The following GPR149 variants were observed in gnomAD, a reference collection of about 807,000 sequenced individuals.
The protein encoded by GPR149 is probable G protein-coupled receptor 149.
In GPR149, 50 loss-of-function variants were observed where a neutral mutation model predicts 50.2. The observed-to-expected ratio is 1.00, with a 90% confidence interval of 0.79 to 1.26. GPR149 has a LOEUF of 1.26. Ranked by LOEUF, GPR149 falls within the 50% of genes most tolerant of loss-of-function variation. GPR149 has a pLI of 0.00. For synonymous variants in GPR149, 405 were observed against 358.2 expected (o/e 1.13, Z -1.48); for missense variants, 983 against 895.4 (o/e 1.10, Z -1.25).
chr3:154,377,059 AAAGAG>A (rs1464018283), intron 3 of GPR149, among the ~76,000 whole-genome samples: 1 of 151,524 alleles, frequency 6.6e-6, no homozygotes, highest in East Asian at 1.9e-4. Context: ...AAAAAAAAAA[AAAGAG>A]GATAACAAGC....
At chr3:154,364,131 C>T (rs572071711) in intron 3 of GPR149, among the ~76,000 whole-genome samples, 5 of 152,284 alleles carry the variant, frequency 3.3e-5, no homozygotes, top group African/African-American at 1.2e-4. Context: ...AGAAGTGAAG[C>T]CACTGGGTGC....
chr3:154,386,268 T>G (rs1485306320), intron 3 of GPR149, among the ~76,000 whole-genome samples: 1 of 152,184 alleles, frequency 6.6e-6, no homozygotes, highest in African/African-American at 2.4e-5. Context: ...AGTACCTGGT[T>G]CTGACTCCAA....
chr3:154,390,680 A>T lies in GPR149; in HGVS notation c.1623+30359T>A, dbSNP rs182367140. Among the ~76,000 whole-genome samples the T allele has an allele frequency of 1.7e-4, 26 of 152,278 alleles. No homozygotes were observed. In the East Asian group the frequency reaches 5.0e-3, roughly 29 times the overall value. ...AGAAATAATGAATGAAAACTTCCCA[A>T]ATCTAGGGAAGGAAATGAACACCCA... On this transcript the variant is annotated intron_variant, in intron 3 of 3. Coordinates refer to ENST00000389740, the MANE Select transcript of GPR149 (RefSeq NM_001038705.3).
chr3:154,372,787 C>T lies in GPR149; in HGVS notation c.1624-34516G>A, dbSNP rs75953846. On this transcript the variant is annotated intron_variant, in intron 3 of 3. Coordinates refer to ENST00000389740, the MANE Select transcript of GPR149 (RefSeq NM_001038705.3). ...TTGGTCACTGCTTTGATGTGAGTTG[C>T]GGCAGAGAAAGAGGAGTTAAGAATG... Among the ~76,000 whole-genome samples the T allele has an allele frequency of 1.6e-4, 24 of 152,126 alleles. No homozygotes were observed. The East Asian group carries it at 3.1e-3, about 20-fold the overall frequency.
chr3:154,401,236 C>G (rs1711545402), intron 3 of GPR149, among the ~76,000 whole-genome samples: 1 of 152,160 alleles, frequency 6.6e-6, no homozygotes, highest in South Asian at 2.1e-4. Flanking sequence ...ACTTTTCTGG[C>G]TTTGCAGATA....
intron 3 of GPR149, among the ~76,000 whole-genome samples, chr3:154,361,492 C>G (rs953610789): frequency 6.6e-6 from 1 of 152,064 alleles, no homozygotes; most frequent in African/African-American, 2.4e-5. Flanking sequence ...TAAATTTTTT[C>G]TCAGTTTTGG....
chr3:154,344,124 A>G (rs1404402608), intron 3 of GPR149, among the ~76,000 whole-genome samples: 2 of 152,240 alleles, frequency 1.3e-5, no homozygotes, highest in African/African-American at 4.8e-5. Flanking sequence ...TAGCACTCTC[A>G]AAGAGTCCAC....
At chr3:154,378,081 C>CG (rs1379199945) in intron 3 of GPR149, among the ~76,000 whole-genome samples, 1 of 70,190 alleles carries the variant, frequency 1.4e-5, no homozygotes, top group East Asian at 5.3e-4. Context: ...TGATATATCC[C>CG]CCCCCCCTTT....
chr3:154,363,291 A>G (rs550508733), intron 3 of GPR149, among the ~76,000 whole-genome samples: 3 of 115,276 alleles, frequency 2.6e-5, no homozygotes, highest in Admixed American at 2.6e-4. Flanking sequence ...GTCTCAGTAC[A>G]CTTTTGCTGC....
At chr3:154,371,780 G>T (rs1430212947) in intron 3 of GPR149, among the ~76,000 whole-genome samples, 1 of 152,170 alleles carries the variant, frequency 6.6e-6, no homozygotes, top group African/African-American at 2.4e-5. Context: ...TGAACACTCA[G>T]GGCGCTTGAA....
In GPR149 at chr3:154,359,482, A is replaced by G. The variant is rs112889201; in HGVS notation, c.1624-21211T>C. 4.6e-3 allele frequency among the ~76,000 whole-genome samples: 703 copies of G among 152,242 alleles called. 3 individuals carry two copies. The highest frequency in any genetic ancestry group is 0.016 in the African/African-American group (657 of 41,552). On this transcript the variant is annotated intron_variant, in intron 3 of 3. Transcript: ENST00000389740. ...CATCACTCACTTCTGCTCCACATCT[A>G]GCTTTTCTTGACTACTGGTATTGTT...
In GPR149 at chr3:154,427,528, C is replaced by T. The variant is rs201040008; in HGVS notation, c.1162G>A (p.Asp388Asn). The T allele has an allele frequency of 3.2e-5, 52 of 1,603,984 alleles. No individual in the cohort carries two copies. The African/African-American group carries it at 5.0e-4, about 15-fold the overall frequency. Residue 388 changes from aspartate to asparagine, a missense_variant, in exon 2 of 4, where the codon GAT (aspartate) becomes AAT (asparagine). Coordinates refer to ENST00000389740, the MANE Select transcript of GPR149 (RefSeq NM_001038705.3). ...CRQNAYAVAS[D>N]GKKIKRKGFE... Reference sequence around the variant, plus strand: ...GTTGAGGACTTACTTTTTTTCCCATCGGACGCCACTGCATATGCGTTCTGC... The same window carrying T: ...GTTGAGGACTTACTTTTTTTCCCATTGGACGCCACTGCATATGCGTTCTGC...
chr3:154,379,384 T>A (rs1714865435), intron 3 of GPR149, among the ~76,000 whole-genome samples: 1 of 152,112 alleles, frequency 6.6e-6, no homozygotes, highest in African/African-American at 2.4e-5. Flanking sequence ...TACTTTCTTT[T>A]ATAAATTAAA....
At chr3:154,342,022 A>G (rs74939233) in intron 3 of GPR149, among the ~76,000 whole-genome samples, 2,245 of 152,344 alleles carry the variant, frequency 0.015, 49 homozygotes, top group African/African-American at 0.051. Flanking sequence ...TTACAAAATT[A>G]AGTTAGATAC....
At chr3:154,377,389 C>T (rs1576913284) in intron 3 of GPR149, among the ~76,000 whole-genome samples, 2 of 101,672 alleles carry the variant, frequency 2.0e-5, no homozygotes, top group Non-Finnish European at 4.3e-5. Flanking sequence ...ATTATTATTA[C>T]TGAGTCTCAT....
intron 2 of GPR149, among the ~76,000 whole-genome samples, chr3:154,422,407 A>T (rs1055641727): frequency 2.0e-5 from 3 of 151,826 alleles, no homozygotes; most frequent in Admixed American, 2.0e-4. Context: ...GATATAATTT[A>T]ATGTTTTTGC....
At chr3:154,343,901 C>A (rs566169665) in intron 3 of GPR149, among the ~76,000 whole-genome samples, 1 of 151,960 alleles carries the variant, frequency 6.6e-6, no homozygotes, top group Non-Finnish European at 1.5e-5. Flanking sequence ...ATCACTTGAG[C>A]CCGGGAGATA....
chr3:154,427,661 C>A lies in GPR149; in HGVS notation c.1029G>T (p.Leu343Phe), dbSNP rs766811145. 6.2e-7 allele frequency: 1 copy of A among 1,614,100 alleles called. No individual in the cohort carries two copies. Among genetic ancestry groups the A allele is most frequent in the Non-Finnish European group, 8.5e-7 (1 of 1,179,964 alleles). ...GGGTAAGTAGAAAGCTGAATGTCTC[C>A]AAGGGAAGGCTCTGAAACCCCACGA... ...QNVVGFQSLP[L>F]ETFSFLLTLL... Residue 343 changes from leucine (L) to phenylalanine (F), a missense_variant, in exon 2 of 4, where the codon TTG (leucine) becomes TTT (phenylalanine). Transcript: ENST00000389740.
At chr3:154,403,943 A>G (rs916523276) in intron 3 of GPR149, among the ~76,000 whole-genome samples, 1 of 152,208 alleles carries the variant, frequency 6.6e-6, no homozygotes, top group African/African-American at 2.4e-5. Flanking sequence ...AGTGCACCTG[A>G]GGAATGAAGT....
Sources: gnomAD v4.1 joint callset for allele counts (sites outside exome capture counted in the v4.1 genomes callset) on GRCh38, gnomAD v4.1.1 for gene constraint, MANE v1.5 for transcripts, NCBI Gene and HGNC (gene_info 2026-07-23, HGNC 2026-07-21) for gene names.